The following BCL7B variants were observed in gnomAD, a reference collection of about 807,000 sequenced individuals.
The protein encoded by BCL7B is BAF chromatin remodeling complex subunit BCL7B.
Under a neutral mutation model 26.5 loss-of-function variants are expected in BCL7B, and 11 were observed. That is an observed-to-expected ratio of 0.42 (90% CI 0.26 to 0.69). The LOEUF (loss-of-function observed/expected upper bound fraction) is 0.69, where lower values mean the gene tolerates loss of function less well. BCL7B is among the 30% of genes least tolerant of loss of function. BCL7B has a pLI of 0.28. For missense variants in BCL7B, 215 were observed against 264.4 expected (o/e 0.81, Z 1.30); for synonymous variants, 111 against 107.9 (o/e 1.03, Z -0.18).
intron 4 of BCL7B, among the ~76,000 whole-genome samples, chr7:73,539,252 G>A (rs1417007681): frequency 1.3e-5 from 2 of 149,960 alleles, no homozygotes; most frequent in African/African-American, 2.4e-5. Context: ...GAGCCACCGC[G>A]CCAGGTCTTT....
intron 4 of BCL7B, chr7:73,539,614 G>T: frequency 2.4e-6 from 1 of 408,898 alleles, no homozygotes; most frequent in East Asian, 3.8e-5. Context: ...GACAATAGCT[G>T]CCACCTCACA....
At chr7:73,551,163 A>G (rs1439248367) in intron 2 of BCL7B, among the ~76,000 whole-genome samples, 1 of 152,202 alleles carries the variant, frequency 6.6e-6, no homozygotes, top group Admixed American at 6.5e-5. Context: ...ACTTTTTCTT[A>G]AAGGGTCAGA....
chr7:73,557,407 C>G (rs1792414575), intron 1 of BCL7B, 80 bp downstream of exon 1: 7 of 1,187,462 alleles, frequency 5.9e-6, no homozygotes, highest in Non-Finnish European at 7.4e-6. Flanking sequence ...CCGGTCGGCT[C>G]CCACCTGACC....
rs1563421184 is a variant in BCL7B, at chr7:73,537,995, G to A, written c.455C>T (p.Ser152Leu). ...GGTAGGAGGTTCATCAGCAACTTCC[G>A]AGGAGGGCAGGGAGGGCTCTGAAAA... ...EILEEPSLPSSEVADEPPTLT... is the reference protein window; with the variant it reads ...EILEEPSLPSLEVADEPPTLT... Residue 152 changes from serine (S) to leucine (L), a missense_variant, in exon 5 of 6, where the codon TCG (serine) becomes TTG (leucine). Coordinates refer to ENST00000223368, the MANE Select transcript of BCL7B (RefSeq NM_001707.4). 3 of 1,604,930 alleles carry A rather than the reference G, an allele frequency of 1.9e-6. No individual in the cohort carries two copies. Among genetic ancestry groups the A allele is most frequent in the East Asian group, 2.3e-5 (1 of 43,952 alleles).
chr7:73,552,007 T>C (rs186820657), intron 2 of BCL7B, among the ~76,000 whole-genome samples, 160 bp downstream of exon 2: 1 of 151,210 alleles, frequency 6.6e-6, no homozygotes, highest in East Asian at 2.0e-4. Context: ...GGCAGAGAAC[T>C]GCTTGAACCC....
In BCL7B at chr7:73,537,109, T is replaced by C. The variant is rs113146366; in HGVS notation, c.*189A>G. On this transcript the variant is annotated 3_prime_UTR_variant, in exon 6 of 6. Coordinates refer to ENST00000223368, the MANE Select transcript of BCL7B (RefSeq NM_001707.4). ...GAGCGCTCCTCTTCTCGGGAGCAAG[T>C]AGACACAGGTGCCAGGGTCAGGAAG... 1.1e-4 allele frequency: 57 copies of C among 517,998 alleles called. No individual in the cohort carries two copies. Among genetic ancestry groups the C allele is most frequent in the African/African-American group, 8.3e-4 (44 of 52,850 alleles). The allele number at this position is 517,998 out of a possible 1,614,324, so 32.1% of individuals were successfully genotyped here.
At chr7:73,554,247 G>A (rs534910013) in intron 1 of BCL7B, among the ~76,000 whole-genome samples, 8 of 151,864 alleles carry the variant, frequency 5.3e-5, no homozygotes, top group Admixed American at 2.6e-4. Flanking sequence ...ACAGGTGTGA[G>A]CCACCGTGCC....
rs1791599718 is a variant in BCL7B, at chr7:73,537,852, C to T, written c.516+82G>A. 9 of 999,738 alleles carry T rather than the reference C, an allele frequency of 9.0e-6. No homozygotes were observed. In the South Asian group the frequency reaches 1.4e-4, roughly 15 times the overall value. 61.9% of individuals were successfully genotyped at this position (999,738 alleles called of 1,614,324 possible). On this transcript the variant is annotated intron_variant, in intron 5 of 5. Transcript: ENST00000223368. ...GTTGTAGTGAGCCAGGATCGCACCA[C>T]TGCACTCTAGTCTGGGCAACAGCGA...
chr7:73,537,771 C>G lies in BCL7B; in HGVS notation c.516+163G>C, dbSNP rs184166910. On this transcript the variant is annotated intron_variant, in intron 5 of 5. Coordinates refer to ENST00000223368, the MANE Select transcript of BCL7B (RefSeq NM_001707.4). Reference sequence around the variant, plus strand: ...GGTGTGGTAGTGGGCGCCTGTAATCCCAGCTACTCAGGAGGCTGAAACAGG... The same window carrying G: ...GGTGTGGTAGTGGGCGCCTGTAATCGCAGCTACTCAGGAGGCTGAAACAGG... Among the ~76,000 whole-genome samples, 969 of 152,178 alleles carry G rather than the reference C, an allele frequency of 6.4e-3. 5 individuals are homozygous for G. The highest frequency in any genetic ancestry group is 0.01 in the South Asian group (49 of 4,824).
In BCL7B at chr7:73,553,638, A is replaced by C. The variant is rs150783798; in HGVS notation, c.93-1396T>G. 4.0e-3 allele frequency: 618 copies of C among 153,826 alleles called. 2 individuals carry two copies. The highest frequency in any genetic ancestry group is 0.023 in the Middle Eastern group (37 of 1,578). The allele number at this position is 153,826 out of a possible 1,614,324, so 9.5% of individuals were successfully genotyped here. Reference sequence around the variant, plus strand: ...CAGTGAGCCGAGATTGCGCCAATGCACTCCAGCCTGGGTGACAGAGCGAGA... The same window carrying C: ...CAGTGAGCCGAGATTGCGCCAATGCCCTCCAGCCTGGGTGACAGAGCGAGA... On this transcript the variant is annotated intron_variant, in intron 1 of 5. Transcript: ENST00000223368.
intron 5 of BCL7B, 22 bp from the exon 6 acceptor site, chr7:73,537,412 A>T: frequency 6.3e-7 from 1 of 1,599,660 alleles, no homozygotes; most frequent in Non-Finnish European, 8.6e-7. Flanking sequence ...CAGAGCATGG[A>T]ATGCCAGGGC....
chr7:73,543,504 A>G (rs368855570), intron 3 of BCL7B, 44 bp downstream of exon 3: 1 of 1,567,706 alleles, frequency 6.4e-7, no homozygotes. Flanking sequence ...GCATTCATCC[A>G]AGTTTTCATT....
chr7:73,557,148 T>A (rs2115844063), intron 1 of BCL7B: 1 of 1,007,612 alleles, frequency 9.9e-7, no homozygotes, highest in Non-Finnish European at 1.2e-6. Flanking sequence ...GCGGGGCCAC[T>A]GCCCAGGAAG....
At chr7:73,557,448 C>T (rs782362086) in intron 1 of BCL7B, 39 bp downstream of exon 1, 19 of 1,293,696 alleles carry the variant, frequency 1.5e-5, no homozygotes, top group Admixed American at 1.4e-4. Context: ...GGGCCTGGAT[C>T]CGCGACCCCC....
chr7:73,537,395 G>A lies in BCL7B; in HGVS notation c.517-5C>T, dbSNP rs782201415. 6.2e-6 allele frequency: 10 copies of A among 1,613,222 alleles called. No individual in the cohort carries two copies. The highest frequency in any genetic ancestry group is 1.6e-4 in the Middle Eastern group (1 of 6,076). ...GTCTTCCTCTTCCTCAACGACCTAG[G>A]AGCAGGCAGAGCATGGAATGCCAGG... On this transcript the variant is annotated splice_polypyrimidine_tract_variant and splice_region_variant and intron_variant, in intron 5 of 5. Coordinates refer to ENST00000223368, the MANE Select transcript of BCL7B (RefSeq NM_001707.4).
intron 1 of BCL7B, among the ~76,000 whole-genome samples, chr7:73,552,603 A>T (rs1762853792): frequency 6.6e-6 from 1 of 150,958 alleles, no homozygotes; most frequent in African/African-American, 2.4e-5. Flanking sequence ...ACATGGTGAA[A>T]CTCTGTCGCT....
chr7:73,552,370 G>T lies in BCL7B; in HGVS notation c.93-128C>A, dbSNP rs570769776. 39 of 759,270 alleles carry T rather than the reference G, an allele frequency of 5.1e-5. 1 individual carries two copies. Among genetic ancestry groups the T allele is most frequent in the South Asian group, 4.8e-4 (31 of 64,702 alleles). 47.0% of individuals were successfully genotyped at this position (759,270 alleles called of 1,614,324 possible). ...AATCCTTCTGAACTTCCTCTTGGTG[G>T]GGTATGGTAGCTCACACCTGAAATC... On this transcript the variant is annotated intron_variant, in intron 1 of 5. Coordinates refer to ENST00000223368, the MANE Select transcript of BCL7B (RefSeq NM_001707.4).
chr7:73,543,768 C>T (rs2115764612), intron 2 of BCL7B, 124 bp from the exon 3 acceptor site: 2 of 705,288 alleles, frequency 2.8e-6, no homozygotes, highest in South Asian at 1.7e-5. Flanking sequence ...ACGACAGCAG[C>T]GTGAGAATCC....
At chr7:73,557,126 CT>C in intron 1 of BCL7B, 1 of 999,090 alleles carries the variant, frequency 1.0e-6, no homozygotes, top group Non-Finnish European at 1.2e-6. Context: ...AAGAGGAAGC[CT>C]GGAAACGCAG....
Sources: allele counts gnomAD v4.1 joint callset (sites outside exome capture counted in the v4.1 genomes callset), GRCh38; gene constraint gnomAD v4.1.1; transcripts MANE v1.5; gene names NCBI Gene and HGNC (gene_info 2026-07-23, HGNC 2026-07-21).